FLVCR2: variants seen among roughly 807,000 people sequenced by gnomAD.
FLVCR2 encodes choline/ethanolamine transporter FLVCR2.
FLVCR2 carries 38 observed loss-of-function variants against 48.9 expected under a neutral mutation model. That is an observed-to-expected ratio of 0.78 (90% CI 0.60 to 1.02). FLVCR2 has a LOEUF of 1.02. FLVCR2 is among the 50% of genes least tolerant of loss of function. FLVCR2 has a pLI of 0.00. For synonymous variants in FLVCR2, 255 were observed against 257.0 expected (o/e 0.99, Z 0.07); for missense variants, 664 against 663.3 (o/e 1.00, Z -0.01).
In FLVCR2 at chr14:75,646,802, G is replaced by A. The variant is rs764821769; in HGVS notation, c.*330G>A. 38 of 374,372 alleles carry A rather than the reference G, an allele frequency of 1.0e-4. No homozygotes were observed. The highest frequency in any genetic ancestry group is 1.6e-4 in the Non-Finnish European group (31 of 194,194). The allele number at this position is 374,372 out of a possible 1,614,324, so 23.2% of individuals were successfully genotyped here. ...CCTTCCCTCTTTTCCTCCATCCATC[G>A]TGGACAATGCCTGCAAAATTTTCAC... is the stretch of plus-strand genomic sequence containing the variant. On this transcript the variant is annotated 3_prime_UTR_variant, in exon 10 of 10. Transcript: ENST00000238667.
At chr14:75,593,140 A>G (rs958114653) in intron 1 of FLVCR2, among the ~76,000 whole-genome samples, 1 of 152,094 alleles carries the variant, frequency 6.6e-6, no homozygotes, top group Non-Finnish European at 1.5e-5. Flanking sequence ...GTTCACAGCA[A>G]TTCAGGTGTT....
chr14:75,579,552 A>C lies in FLVCR2; in HGVS notation c.580A>C (p.Ile194Leu). 2 of 1,613,808 alleles carry C rather than the reference A, an allele frequency of 1.2e-6. No homozygotes were observed. The highest frequency in any genetic ancestry group is 1.7e-6 in the Non-Finnish European group (2 of 1,179,942). Residue 194 changes from isoleucine (I) to leucine (L), a missense_variant, in exon 1 of 10, where the codon ATC (isoleucine) becomes CTC (leucine). Coordinates refer to ENST00000238667, the MANE Select transcript of FLVCR2 (RefSeq NM_017791.3). ...CATCTGCTCTGTGGCCCAGGTTTTC[A>C]TCCTGGGCATGCCCTCCCGCATCGC... is the stretch of plus-strand genomic sequence containing the variant. ...QLICSVAQVFILGMPSRIASV... is the reference protein window; with the variant it reads ...QLICSVAQVFLLGMPSRIASV...
intron 1 of FLVCR2, among the ~76,000 whole-genome samples, chr14:75,606,425 C>T (rs1889292210): frequency 6.6e-6 from 1 of 152,194 alleles, no homozygotes; most frequent in Admixed American, 6.5e-5. Flanking sequence ...TTATCCCGGG[C>T]TTCCTGTTGG....
intron 4 of FLVCR2, among the ~76,000 whole-genome samples, chr14:75,634,011 G>A (rs991657715): frequency 2.0e-5 from 3 of 151,780 alleles, no homozygotes; most frequent in Non-Finnish European, 4.4e-5. Context: ...AAATAATGAC[G>A]CTTGTGTATG....
At chr14:75,613,483 C>A (rs1412004532) in intron 1 of FLVCR2, among the ~76,000 whole-genome samples, 5 of 152,142 alleles carry the variant, frequency 3.3e-5, no homozygotes. Flanking sequence ...CCCCCTGACC[C>A]AATCACCTCC....
chr14:75,616,893 G>A (rs1889632468), intron 1 of FLVCR2, among the ~76,000 whole-genome samples: 2 of 152,202 alleles, frequency 1.3e-5, no homozygotes, highest in Admixed American at 1.3e-4. Flanking sequence ...TTGGACTGAA[G>A]CCCTCACCAC....
At position 75,645,258 on chromosome 14, in the gene FLVCR2, C is replaced by T. The variant is rs552380033; in HGVS notation, c.1510-1143C>T. ...GAGACACTCCCTGGGGAAGAAAGCA[C>T]CATTTGTCCACTTGACATTGGCTTC... On this transcript the variant is annotated intron_variant, in intron 9 of 9. Transcript: ENST00000238667. Among the ~76,000 whole-genome samples the T allele has an allele frequency of 5.3e-5, 8 of 152,284 alleles. No homozygotes were observed. In the East Asian group the frequency reaches 1.3e-3, roughly 26 times the overall value.
intron 1 of FLVCR2, among the ~76,000 whole-genome samples, chr14:75,621,148 AGAT>A (rs1889753476): frequency 1.3e-5 from 2 of 152,198 alleles, no homozygotes; most frequent in African/African-American, 4.8e-5. Context: ...ACTCCAACCC[AGAT>A]AAGAAATGGT....
rs553594885 is a variant in FLVCR2, at chr14:75,614,851, G to A, written c.670-7228G>A. On this transcript the variant is annotated intron_variant, in intron 1 of 9. Coordinates refer to ENST00000238667, the MANE Select transcript of FLVCR2 (RefSeq NM_017791.3). ...TAGGCAAGAGAGCGAGAGAGAGAGC[G>A]TCTGAAGGAGGAACTGTCAAACATT... Among the ~76,000 whole-genome samples, 14 of 152,304 alleles carry A rather than the reference G, an allele frequency of 9.2e-5. No homozygotes were observed. The East Asian group carries it at 1.2e-3, about 13-fold the overall frequency.
chr14:75,603,179 G>A (rs569215705), intron 1 of FLVCR2, among the ~76,000 whole-genome samples: 35 of 152,246 alleles, frequency 2.3e-4, no homozygotes, highest in African/African-American at 7.2e-4. Flanking sequence ...GGTCCCTGGC[G>A]AGGGCCCCAC....
rs148423700 is a variant in FLVCR2, at chr14:75,618,679, T to C, written c.670-3400T>C. 6.5e-3 allele frequency among the ~76,000 whole-genome samples: 996 copies of C among 152,342 alleles called. 16 individuals carry two copies. The highest frequency in any genetic ancestry group is 0.023 in the African/African-American group (942 of 41,560). On this transcript the variant is annotated intron_variant, in intron 1 of 9. Transcript: ENST00000238667. ...TTCACTGATTCAGGCCCCAGGTCTC[T>C]GATTTGTACCCCAGAGGTTTCCTGT... is the stretch of plus-strand genomic sequence containing the variant.
intron 1 of FLVCR2, among the ~76,000 whole-genome samples, chr14:75,606,668 A>G (rs896295043): frequency 2.0e-5 from 3 of 152,164 alleles, no homozygotes; most frequent in African/African-American, 7.2e-5. Context: ...TGTTCATTAA[A>G]AATGCAAATT....
In FLVCR2 at chr14:75,641,860, C is replaced by G; in HGVS notation, c.1471C>G (p.Leu491Val). The change falls in exon 9 of 10, where the codon CTC (leucine) becomes GTC (valine). Residue 491 changes from leucine to valine, a missense_variant. Coordinates refer to ENST00000238667, the MANE Select transcript of FLVCR2 (RefSeq NM_017791.3). ...AALTAFIKADLRRQKANKETL... is the reference protein window; with the variant it reads ...AALTAFIKADVRRQKANKETL... ...AACCTTAGCATTCATTAAGGCAGAT[C>G]TCCGGAGACAGAAAGCAAACAAAGA... 6.2e-7 allele frequency: 1 copy of G among 1,614,102 alleles called. No homozygotes were observed.
intron 9 of FLVCR2, 99 bp from the exon 10 acceptor site, chr14:75,646,302 T>G: frequency 1.2e-6 from 1 of 814,702 alleles, no homozygotes. Flanking sequence ...CCCCGGCTCT[T>G]GTATTCCCCA....
At chr14:75,591,009 G>T (rs1440442560) in intron 1 of FLVCR2, among the ~76,000 whole-genome samples, 1 of 152,200 alleles carries the variant, frequency 6.6e-6, no homozygotes, top group Non-Finnish European at 1.5e-5. Context: ...AAAACAAGTT[G>T]TTTACTTCCA....
intron 1 of FLVCR2, among the ~76,000 whole-genome samples, chr14:75,607,566 C>T (rs1889326658): frequency 6.6e-6 from 1 of 152,128 alleles, no homozygotes; most frequent in Admixed American, 6.5e-5. Context: ...TGATGATTAG[C>T]TCTGTGACTT....
chr14:75,581,313 A>G (rs1272141369), intron 1 of FLVCR2, among the ~76,000 whole-genome samples: 1 of 152,222 alleles, frequency 6.6e-6, no homozygotes, highest in African/African-American at 2.4e-5. Context: ...AAGGGGTCCA[A>G]GGGGATTTAG....
chr14:75,591,811 T>C (rs1432733089), intron 1 of FLVCR2, among the ~76,000 whole-genome samples: 7 of 135,366 alleles, frequency 5.2e-5, no homozygotes, highest in Non-Finnish European at 1.1e-4. Flanking sequence ...CATTCCTTTT[T>C]TTTTTTTTTT....
At chr14:75,604,096 C>G (rs534023326) in intron 1 of FLVCR2, 3 of 152,158 alleles carry the variant, frequency 2.0e-5, no homozygotes, top group Non-Finnish European at 4.4e-5. Flanking sequence ...TGTTCTTATT[C>G]CTTATGTGGA....
Sources: allele counts gnomAD v4.1 joint callset (sites outside exome capture counted in the v4.1 genomes callset), GRCh38; gene constraint gnomAD v4.1.1; transcripts MANE v1.5; gene names NCBI Gene and HGNC (gene_info 2026-07-23, HGNC 2026-07-21).